OSBPL3: variants seen among roughly 807,000 people sequenced by gnomAD.
OSBPL3 encodes oxysterol-binding protein-related protein 3.
A neutral mutation model predicts 120.1 loss-of-function variants in OSBPL3; 65 were observed. That is an observed-to-expected ratio of 0.54 (90% CI 0.44 to 0.67). OSBPL3 has a LOEUF of 0.67. Among genes scored for constraint, OSBPL3 ranks in the 30% least tolerant of loss-of-function variants. OSBPL3 has a pLI of 0.00. For synonymous variants in OSBPL3, 416 were observed against 402.6 expected, an observed-to-expected ratio of 1.03 and a Z score of -0.40; for missense variants, 1,004 against 1,082.1, an observed-to-expected ratio of 0.93 and a Z score of 1.01.
At chr7:24,866,750 G>A (rs1434440850) in intron 5 of OSBPL3, among the ~76,000 whole-genome samples, 1 of 152,176 alleles carries the variant, frequency 6.6e-6, no homozygotes, top group Non-Finnish European at 1.5e-5. Context: ...GAAATGCAGA[G>A]TAAAAATGAT....
chr7:24,852,265 A>G lies in OSBPL3; in HGVS notation c.1158+239T>C, dbSNP rs563634579. On this transcript the variant is annotated intron_variant, in intron 11 of 22. Transcript: ENST00000313367. This position sits in a 1 kb window ranked among gnomAD's most constrained non-coding sequence, Gnocchi z 4.1. ...AAATGTTAGAGAAACAAAAAAATTA[A>G]GATCAGTCAGAGGAAACCAAACTTA... Among the ~76,000 whole-genome samples the G allele has an allele frequency of 6.6e-6, 1 of 152,364 alleles. No individual in the cohort carries two copies. The highest frequency in any genetic ancestry group is 1.9e-4 in the East Asian group (1 of 5,190).
At chr7:24,895,018 C>T (rs966566333) in intron 1 of OSBPL3, among the ~76,000 whole-genome samples, 2 of 152,162 alleles carry the variant, frequency 1.3e-5, no homozygotes, top group Non-Finnish European at 2.9e-5. Context: ...AGAGAGGGGA[C>T]CCGCAGCCCC....
chr7:24,842,282 GT>G lies in OSBPL3; in HGVS notation c.1397del (p.Asn466ThrfsTer13). 1 of 1,612,778 alleles carries G rather than the reference GT, an allele frequency of 6.2e-7. No homozygotes were observed. The highest frequency in any genetic ancestry group is 8.5e-7 in the Non-Finnish European group (1 of 1,179,788). On this transcript the variant is annotated frameshift_variant, in exon 13 of 23. Coordinates refer to ENST00000313367, the MANE Select transcript of OSBPL3 (RefSeq NM_015550.4). LOFTEE classifies it high-confidence loss of function. ...ATACTGTAAACATTGCTCAAACCTC[GT>G]TTTCTGAAGAGCTTGGAGATAACAG... ...EVLLSPSSSE[N>X]EISDDDSYVS...
Position 24,866,075 on chromosome 7 carries a change from T to C in OSBPL3, c.544A>G (p.Arg182Gly). 1 of 1,612,996 alleles carries C rather than the reference T, an allele frequency of 6.2e-7. No homozygotes were observed. Among genetic ancestry groups the C allele is most frequent in the African/African-American group, 1.3e-5 (1 of 74,998 alleles). ...ATTGGCAAAACACTCATTACCTTCC[T>C]ACTTGAAATGGAGTCAAACACCCCA... Reference protein sequence around the residue: ...SSGVFDSISSRKRSSISKQNL... With the variant: ...SSGVFDSISSGKRSSISKQNL... The change falls in exon 6 of 23, where the codon AGG (arginine) becomes GGG (glycine). Residue 182 changes from arginine to glycine, a missense_variant. Arg to Gly is a moderately radical substitution (Grantham distance 125). Around this residue, in one of 4 missense-constraint regions of OSBPL3, gnomAD observed 255 missense variants for 248.7 expected, o/e 1.03. Transcript: ENST00000313367.
intron 5 of OSBPL3, among the ~76,000 whole-genome samples, chr7:24,868,341 GTGT>G (rs1459373849): frequency 5.0e-5 from 1 of 20,002 alleles, no homozygotes; most frequent in East Asian, 2.0e-3. Flanking sequence ...AAAAAAAAGT[GTGT>G]GTGTGTGTGT....
At chr7:24,888,307 T>A (rs1172143189) in intron 2 of OSBPL3, among the ~76,000 whole-genome samples, 1 of 152,222 alleles carries the variant, frequency 6.6e-6, no homozygotes, top group African/African-American at 2.4e-5. Flanking sequence ...GTGCTTATTT[T>A]TCATCCTTAC....
At chr7:24,836,928 C>T (rs1030796378) in intron 14 of OSBPL3, among the ~76,000 whole-genome samples, 14 of 152,110 alleles carry the variant, frequency 9.2e-5, no homozygotes, top group Admixed American at 3.3e-4. Flanking sequence ...TCTGCCTCAC[C>T]GGCTCAAGCA....
At position 24,806,802 on chromosome 7, in the gene OSBPL3, A is replaced by G. The variant is rs1233131141; in HGVS notation, c.2418T>C (p.Thr806=). ...DPSSKSLLPP[T]DTRFRPDQRF... is the part of the protein sequence containing the mutation. ...TCTGGTCTGGCCTAAATCGAGTGTC[A>G]GTAGGTGGCAATAAAGACTTTGATG... The change falls in exon 21 of 23, where the codon ACT becomes ACC. Residue 806 remains threonine (T), a synonymous_variant. Coordinates refer to ENST00000313367, the MANE Select transcript of OSBPL3 (RefSeq NM_015550.4). The surrounding 1 kb of genome is among the most constrained non-coding windows in gnomAD (Gnocchi z 5.2). 6.2e-6 allele frequency: 10 copies of G among 1,614,024 alleles called. No individual in the cohort carries two copies. The highest frequency in any genetic ancestry group is 8.5e-6 in the Non-Finnish European group (10 of 1,179,878).
intron 1 of OSBPL3, among the ~76,000 whole-genome samples, chr7:24,923,729 T>C (rs1810697491): frequency 6.6e-6 from 1 of 152,092 alleles, no homozygotes; most frequent in Non-Finnish European, 1.5e-5. Flanking sequence ...GATGCGGAGC[T>C]GCAGTGGGGC....
rs895171303 is a variant in OSBPL3, at chr7:24,834,796, T to A, written c.1496-60A>T. ...GCTTTTCATTTTATTCTATTATTTTTAATCCACGAATAAAACCTTACGTAG... is the reference window on the plus strand; with the variant it reads ...GCTTTTCATTTTATTCTATTATTTTAAATCCACGAATAAAACCTTACGTAG... On this transcript the variant is annotated intron_variant, in intron 14 of 22. Coordinates refer to ENST00000313367, the MANE Select transcript of OSBPL3 (RefSeq NM_015550.4). The surrounding 1 kb of genome is among the most constrained non-coding windows in gnomAD (Gnocchi z 5.2). 9.1e-6 allele frequency: 13 copies of A among 1,429,152 alleles called. No homozygotes were observed. The Admixed American group carries it at 2.3e-4, about 26-fold the overall frequency. The allele number at this position is 1,429,152 out of a possible 1,614,324, so 88.5% of individuals were successfully genotyped here.
In OSBPL3 at chr7:24,922,016, G is replaced by A. The variant is rs937797859; in HGVS notation, c.-149-29395C>T. On this transcript the variant is annotated intron_variant, in intron 1 of 22. Transcript: ENST00000313367. The surrounding 1 kb of genome is among the most constrained non-coding windows in gnomAD (Gnocchi z 4.3). ...TCACCACCTTTATGTCTCACGTCCAGCCAAGAGGCTGGTACACAGCAGCCA... is the reference window on the plus strand; with the variant it reads ...TCACCACCTTTATGTCTCACGTCCAACCAAGAGGCTGGTACACAGCAGCCA... Among the ~76,000 whole-genome samples, 1 of 152,200 alleles carries A rather than the reference G, an allele frequency of 6.6e-6. No homozygotes were observed. Among genetic ancestry groups the A allele is most frequent in the African/African-American group, 2.4e-5 (1 of 41,446 alleles).
At position 24,820,254 on chromosome 7, in the gene OSBPL3, G is replaced by T. The variant is rs375648980; in HGVS notation, c.1885-16C>A. The stretch of plus-strand genomic sequence containing the variant: ...GGTGGCTGACCTGATGGAAACAAAG[G>T]ACAGAAAAACAAAAAATGAATGAAC... On this transcript the variant is annotated splice_polypyrimidine_tract_variant and intron_variant, in intron 16 of 22. Coordinates refer to ENST00000313367, the MANE Select transcript of OSBPL3 (RefSeq NM_015550.4). This position sits in a 1 kb window ranked among gnomAD's most constrained non-coding sequence, Gnocchi z 4.6. 1.0e-5 allele frequency: 16 copies of T among 1,600,228 alleles called. No individual in the cohort carries two copies. The highest frequency in any genetic ancestry group is 1.4e-5 in the Non-Finnish European group (16 of 1,169,492).
rs533744586 is a variant in OSBPL3 at position 24,916,072 on chromosome 7, G to T, written c.-149-23451C>A. Among the ~76,000 whole-genome samples, 1 of 152,176 alleles carries T rather than the reference G, an allele frequency of 6.6e-6. No individual in the cohort carries two copies. Among genetic ancestry groups the T allele is most frequent in the African/African-American group, 2.4e-5 (1 of 41,444 alleles). The stretch of plus-strand genomic sequence containing the variant: ...GCAGGGACAAAGGGAGAAGGCACTC[G>T]ATGTTTATCATGTTGTCCTGTTATT... On this transcript the variant is annotated intron_variant, in intron 1 of 22. Transcript: ENST00000313367. This position sits in a 1 kb window ranked among gnomAD's most constrained non-coding sequence, Gnocchi z 4.9.
At chr7:24,885,909 G>C (rs1246269514) in intron 2 of OSBPL3, among the ~76,000 whole-genome samples, 1 of 152,180 alleles carries the variant, frequency 6.6e-6, no homozygotes, top group African/African-American at 2.4e-5. Flanking sequence ...CCTCTGGAAT[G>C]TGTTACTTTG....
intron 1 of OSBPL3, among the ~76,000 whole-genome samples, chr7:24,895,962 C>A (rs144): frequency 3.3e-5 from 5 of 151,958 alleles, no homozygotes; most frequent in Non-Finnish European, 5.9e-5. Context: ...AGAACATTTA[C>A]GGCCTGCCAA....
rs965082623 is a variant in OSBPL3 at position 24,973,652 on chromosome 7, T to C, written c.-150+6234A>G. Among the ~76,000 whole-genome samples, 49 of 152,338 alleles carry C rather than the reference T, an allele frequency of 3.2e-4. No individual in the cohort carries two copies. The Middle Eastern group carries it at 0.014, about 42-fold the overall frequency. On this transcript the variant is annotated intron_variant, in intron 1 of 22. Coordinates refer to ENST00000313367, the MANE Select transcript of OSBPL3 (RefSeq NM_015550.4). ...TTCACACTGCTATTCCATTTATTAT[T>C]ATAAAAGAATTTTTAAATGTTCACA...
In OSBPL3 at chr7:24,837,777, G is replaced by T. The variant is rs574103857; in HGVS notation, c.1495+2913C>A. ...AGAAAATGAGGCATAGAGGAAGTAAGTATCTGGTCCCAGAACACACAACCA... is the reference window on the plus strand; with the variant it reads ...AGAAAATGAGGCATAGAGGAAGTAATTATCTGGTCCCAGAACACACAACCA... On this transcript the variant is annotated intron_variant, in intron 14 of 22. Transcript: ENST00000313367. Among the ~76,000 whole-genome samples, 27 of 152,302 alleles carry T rather than the reference G, an allele frequency of 1.8e-4. 1 individual carries two copies. The South Asian group carries it at 2.5e-3, about 14-fold the overall frequency.
intron 2 of OSBPL3, among the ~76,000 whole-genome samples, chr7:24,889,551 A>C (rs1486799878): frequency 6.6e-6 from 1 of 152,246 alleles, no homozygotes; most frequent in Admixed American, 6.5e-5. Flanking sequence ...CACATTATAC[A>C]CCATAAATAT....
rs1019340269 is a variant in OSBPL3 at position 24,933,776 on chromosome 7, A to G, written c.-149-41155T>C. Among the ~76,000 whole-genome samples, 2 of 152,246 alleles carry G rather than the reference A, an allele frequency of 1.3e-5. No individual in the cohort carries two copies. The highest frequency in any genetic ancestry group is 1.5e-5 in the Non-Finnish European group (1 of 68,042). ...AATTAGTTATGAGAAAAGCAAACCA[A>G]TGGGTAATTCCCAAAGTTACTATCT... On this transcript the variant is annotated intron_variant, in intron 1 of 22. Coordinates refer to ENST00000313367, the MANE Select transcript of OSBPL3 (RefSeq NM_015550.4). The surrounding 1 kb of genome is among the most constrained non-coding windows in gnomAD (Gnocchi z 5.1).
Sources: allele counts gnomAD v4.1 joint callset (sites outside exome capture counted in the v4.1 genomes callset), GRCh38; gene constraint gnomAD v4.1.1; regional missense constraint gnomAD v4.1.1; non-coding constraint Gnocchi (gnomAD v3.1); transcripts MANE v1.5; gene names NCBI Gene and HGNC (gene_info 2026-07-23, HGNC 2026-07-21).